The following REDIC1 variants were observed in gnomAD, a reference collection of about 807,000 sequenced individuals.
The protein encoded by REDIC1 is regulator of DNA class I crossover intermediates 1, also known as HEI10 Interacting Protein 1.
chr12:39,871,725 G>C, the REDIC1 span: 1 of 1,424,396 alleles, frequency 7.0e-7, no homozygotes, highest in Non-Finnish European at 9.4e-7. Flanking sequence ...TGTAAGTATT[G>C]TATTTTTGAA....
chr12:39,822,557 T>C, the REDIC1 span, among the ~76,000 whole-genome samples: 1 of 152,204 alleles, frequency 6.6e-6, no homozygotes, highest in East Asian at 1.9e-4. Context: ...TCATCTCTGC[T>C]GTACACCTTC....
At chr12:39,713,305 CATACGTGTATATATGTGTATACACAT>C in the REDIC1 span, among the ~76,000 whole-genome samples, 57 of 18,702 alleles carry the variant, frequency 3.0e-3, no homozygotes, top group East Asian at 0.014. Context: ...TGTACACACA[CATACGTGTATATATGTGTATACACAT>C]ATACGTGTAT....
the REDIC1 span, among the ~76,000 whole-genome samples, chr12:39,834,479 T>C: frequency 6.6e-6 from 1 of 152,054 alleles, no homozygotes; most frequent in African/African-American, 2.4e-5. Flanking sequence ...CCCTTTATCC[T>C]TTCAAATCTC....
At chr12:39,874,795 G>A in the REDIC1 span, among the ~76,000 whole-genome samples, 2 of 152,142 alleles carry the variant, frequency 1.3e-5, no homozygotes, top group African/African-American at 4.8e-5. Context: ...TCTGTTCTAT[G>A]AAGACATTAC....
At chr12:39,871,832 C>T in the REDIC1 span, 2 of 1,611,408 alleles carry the variant, frequency 1.2e-6, no homozygotes, top group African/African-American at 1.3e-5. Flanking sequence ...TTCTGCGGCC[C>T]ACCTTCTCAA....
At chr12:39,892,737 G>T in the REDIC1 span, among the ~76,000 whole-genome samples, 1 of 152,024 alleles carries the variant, frequency 6.6e-6, no homozygotes, top group Non-Finnish European at 1.5e-5. Context: ...TATCAAATTT[G>T]TTCCAAAGTA....
At chr12:39,800,269 T>C in the REDIC1 span, among the ~76,000 whole-genome samples, 4 of 152,180 alleles carry the variant, frequency 2.6e-5, no homozygotes, top group African/African-American at 9.7e-5. Context: ...GAGAATAATA[T>C]AAATAGGAAT....
At chr12:39,734,220 G>A in the REDIC1 span, among the ~76,000 whole-genome samples, 422 of 152,202 alleles carry the variant, frequency 2.8e-3, 1 homozygote, top group Non-Finnish European at 4.3e-3. Context: ...GCTTCTGCTC[G>A]CCCTCCATGG....
chr12:39,731,775 T>G, the REDIC1 span, among the ~76,000 whole-genome samples: 4 of 152,128 alleles, frequency 2.6e-5, no homozygotes, highest in South Asian at 6.2e-4. Context: ...CCAGGTGCTG[T>G]GTCTCAGGGA....
At chr12:39,835,408 G>A in the REDIC1 span, among the ~76,000 whole-genome samples, 932 of 152,082 alleles carry the variant, frequency 6.1e-3, 11 homozygotes, top group African/African-American at 0.021. Flanking sequence ...AATTTCAAGG[G>A]CAGAAATTAT....
the REDIC1 span, chr12:39,754,428 T>C: frequency 1.3e-5 from 2 of 152,138 alleles, no homozygotes; most frequent in African/African-American, 2.4e-5. Flanking sequence ...CTTAGTTAGA[T>C]GTAACTCAAC....
At chr12:39,840,303 C>G in the REDIC1 span, among the ~76,000 whole-genome samples, 2 of 152,018 alleles carry the variant, frequency 1.3e-5, no homozygotes, top group Non-Finnish European at 1.5e-5. Context: ...CTGGGCTCTT[C>G]CAATAGTCTT....
chr12:39,703,172 T>C, the REDIC1 span, among the ~76,000 whole-genome samples: 11 of 152,166 alleles, frequency 7.2e-5, no homozygotes, highest in Non-Finnish European at 1.5e-4. Flanking sequence ...CATGACTGCA[T>C]ATATAGACAA....
chr12:39,737,852 T>C, the REDIC1 span, among the ~76,000 whole-genome samples: 72 of 152,350 alleles, frequency 4.7e-4, no homozygotes, highest in African/African-American at 1.5e-3. Flanking sequence ...CCAGAACTTA[T>C]GCCTTGCTTG....
the REDIC1 span, among the ~76,000 whole-genome samples, chr12:39,890,056 G>A: frequency 1.3e-3 from 203 of 152,130 alleles, no homozygotes; most frequent in African/African-American, 4.4e-3. Context: ...GTAGAAACCC[G>A]ATAATCTGTA....
the REDIC1 span, among the ~76,000 whole-genome samples, chr12:39,697,393 G>A: frequency 1.3e-5 from 2 of 152,150 alleles, no homozygotes; most frequent in African/African-American, 2.4e-5. Context: ...AGCAAATAAA[G>A]TTAATGAGCA....
chr12:39,893,252 A>G, the REDIC1 span, among the ~76,000 whole-genome samples: 6 of 152,326 alleles, frequency 3.9e-5, no homozygotes, highest in East Asian at 1.2e-3. Flanking sequence ...CAATAATTTT[A>G]TCTATGTCTA....
At chr12:39,709,419 C>T in the REDIC1 span, among the ~76,000 whole-genome samples, 1 of 151,212 alleles carries the variant, frequency 6.6e-6, no homozygotes, top group Non-Finnish European at 1.5e-5. Flanking sequence ...TCCAGGTGTA[C>T]AATACAATAT....
chr12:39,671,120 T>C, the REDIC1 span, among the ~76,000 whole-genome samples: 1 of 152,214 alleles, frequency 6.6e-6, no homozygotes, highest in Non-Finnish European at 1.5e-5. Flanking sequence ...CATGTTTGTG[T>C]TCTTTCATTG....
Sources: allele counts gnomAD v4.1 joint callset (sites outside exome capture counted in the v4.1 genomes callset), GRCh38; gene constraint gnomAD v4.1.1; transcripts MANE v1.5; gene names NCBI Gene and HGNC (gene_info 2026-07-23, HGNC 2026-07-21).